SAMD5: variants seen among roughly 807,000 people sequenced by gnomAD.
SAMD5 encodes the protein sterile alpha motif domain-containing protein 5.
Under a neutral mutation model 11.3 loss-of-function variants are expected in SAMD5, and 13 were observed. That is an observed-to-expected ratio of 1.15 (90% CI 0.75 to 1.83). The LOEUF is 1.83. SAMD5 is among the 40% of genes most tolerant of loss of function. The pLI is 0.00. For synonymous variants in SAMD5, 129 were observed against 111.3 expected (o/e 1.16, Z -1.00); for missense variants, 255 against 239.1 (o/e 1.07, Z -0.44).
the SAMD5 span, chr6:147,953,930 C>G: frequency 1.3e-5 from 2 of 151,924 alleles, no homozygotes; most frequent in Admixed American, 1.3e-4. Flanking sequence ...AAATTAAAAC[C>G]GTTTAAATTT....
At chr6:147,766,500 G>A in the SAMD5 span, among the ~76,000 whole-genome samples, 1 of 152,132 alleles carries the variant, frequency 6.6e-6, no homozygotes, top group Non-Finnish European at 1.5e-5. Context: ...TTGACTTTTT[G>A]CTAACATTGG....
At chr6:147,662,602 C>T (rs903584593) in intron 1 of SAMD5, among the ~76,000 whole-genome samples, 13 of 152,186 alleles carry the variant, frequency 8.5e-5, no homozygotes, top group African/African-American at 3.1e-4. Flanking sequence ...ATAGCCTTCA[C>T]CTTGTTGATG....
intron 1 of SAMD5, among the ~76,000 whole-genome samples, chr6:147,669,127 C>T (rs1267723849): frequency 3.3e-5 from 5 of 152,002 alleles, no homozygotes; most frequent in Admixed American, 2.0e-4. Flanking sequence ...CTCTTCCTTT[C>T]GTGAAAGACT....
intron 1 of SAMD5, among the ~76,000 whole-genome samples, chr6:147,548,189 T>C (rs1289215214): frequency 2.0e-5 from 3 of 152,192 alleles, no homozygotes; most frequent in Admixed American, 6.5e-5. Context: ...GTAAAAGCCA[T>C]TCAGAGATCT....
chr6:147,646,276 T>C (rs554851199), intron 1 of SAMD5, among the ~76,000 whole-genome samples: 1 of 152,208 alleles, frequency 6.6e-6, no homozygotes, highest in South Asian at 2.1e-4. Flanking sequence ...CAGTGAGCCA[T>C]GATCATGCCA....
At chr6:147,754,152 T>G in the SAMD5 span, among the ~76,000 whole-genome samples, 4 of 152,298 alleles carry the variant, frequency 2.6e-5, no homozygotes, top group African/African-American at 9.6e-5. Context: ...GCTGTACTCA[T>G]TTATATTCCC....
chr6:147,926,158 G>A, the SAMD5 span, among the ~76,000 whole-genome samples: 5 of 152,160 alleles, frequency 3.3e-5, no homozygotes, highest in Non-Finnish European at 7.3e-5. Flanking sequence ...TCATGTGCAT[G>A]TATCTTTATA....
the SAMD5 span, among the ~76,000 whole-genome samples, chr6:147,879,021 G>A: frequency 1.9e-4 from 29 of 152,318 alleles, no homozygotes; most frequent in African/African-American, 6.0e-4. Context: ...ATTTTGGAAT[G>A]CAGTTATTTT....
At chr6:147,806,318 G>GCGCA in the SAMD5 span, among the ~76,000 whole-genome samples, 45 of 68,124 alleles carry the variant, frequency 6.6e-4, no homozygotes, top group African/African-American at 1.9e-3. Flanking sequence ...GCGCGCGCGC[G>GCGCA]CACACACACA....
chr6:147,658,374 T>C (rs531899345), intron 1 of SAMD5, among the ~76,000 whole-genome samples: 2 of 151,798 alleles, frequency 1.3e-5, no homozygotes, highest in Non-Finnish European at 2.9e-5. Context: ...GAATTGTGTC[T>C]TTTTGCCCTT....
At chr6:147,585,596 A>G (rs1350136940) in intron 1 of SAMD5, among the ~76,000 whole-genome samples, 1 of 152,082 alleles carries the variant, frequency 6.6e-6, no homozygotes, top group African/African-American at 2.4e-5. Flanking sequence ...AGCATAGGAA[A>G]TCACCCCTTC....
At chr6:147,715,110 T>C (rs969154616) in intron 1 of SAMD5, among the ~76,000 whole-genome samples, 9 of 152,332 alleles carry the variant, frequency 5.9e-5, no homozygotes, top group African/African-American at 2.2e-4. Context: ...TTAGGGTGTT[T>C]CTTTTCTAGC....
chr6:147,745,777 CTTTTTTTTTTT>C, the SAMD5 span, among the ~76,000 whole-genome samples: 1 of 133,264 alleles, frequency 7.5e-6, no homozygotes, highest in East Asian at 2.2e-4. Context: ...TTCTTTCTTT[CTTTTTTTTTTT>C]TTTTTTTTGA....
At chr6:147,713,366 G>T (rs561196289) in intron 1 of SAMD5, among the ~76,000 whole-genome samples, 32 of 152,274 alleles carry the variant, frequency 2.1e-4, no homozygotes, top group South Asian at 8.3e-4. Flanking sequence ...GGTTCCACTT[G>T]GTTTGCCGAG....
At chr6:147,795,165 C>T in the SAMD5 span, among the ~76,000 whole-genome samples, 1 of 147,516 alleles carries the variant, frequency 6.8e-6, no homozygotes, top group African/African-American at 2.5e-5. Context: ...GCTGCACCCA[C>T]TAACTCGTCA....
the SAMD5 span, among the ~76,000 whole-genome samples, chr6:147,865,038 G>C: frequency 6.6e-6 from 1 of 152,134 alleles, no homozygotes; most frequent in South Asian, 2.1e-4. Flanking sequence ...ACCTCCATTA[G>C]GGAAGTAAAA....
At chr6:147,887,580 G>A in the SAMD5 span, among the ~76,000 whole-genome samples, 1 of 152,108 alleles carries the variant, frequency 6.6e-6, no homozygotes, top group Non-Finnish European at 1.5e-5. Context: ...TTCACCTGTT[G>A]ATGGACATTT....
Position 147,564,995 on chromosome 6 carries a change from A to C in SAMD5, c.*539A>C. 1 of 877,436 alleles carries C rather than the reference A, an allele frequency of 1.1e-6. No homozygotes were observed. The highest frequency in any genetic ancestry group is 1.4e-6 in the Non-Finnish European group (1 of 732,394). 54.4% of individuals were successfully genotyped at this position (877,436 alleles called of 1,614,324 possible). A position where few individuals can be genotyped will look rare whatever the true frequency, so the allele number is the denominator to read the frequency against. The stretch of plus-strand genomic sequence containing the variant: ...TCTATGTAGAATAGTTTGGTGAAGG[A>C]ATTCTTATTTTAAGGTGCTTTTATA... On this transcript the variant is annotated 3_prime_UTR_variant, in exon 2 of 2. Transcript: ENST00000367474.
At chr6:147,617,321 G>T (rs1462190467) in intron 1 of SAMD5, among the ~76,000 whole-genome samples, 2 of 152,180 alleles carry the variant, frequency 1.3e-5, no homozygotes, top group Non-Finnish European at 1.5e-5. Context: ...ACCTCTTATG[G>T]TGGTTGTGTG....
Sources: gnomAD v4.1 joint callset for allele counts (sites outside exome capture counted in the v4.1 genomes callset) on GRCh38, gnomAD v4.1.1 for gene constraint, MANE v1.5 for transcripts, NCBI Gene and HGNC (gene_info 2026-07-23, HGNC 2026-07-21) for gene names.